AKT3: variants seen among roughly 807,000 people sequenced by gnomAD.
The protein encoded by AKT3 is AKT serine/threonine kinase 3.
Under a neutral mutation model 65.3 loss-of-function variants are expected in AKT3, and 15 were observed. The observed-to-expected ratio is 0.23, with a 90% CI of 0.15 to 0.35. AKT3 has a LOEUF of 0.35. Among genes scored for constraint, AKT3 ranks in the 10% least tolerant of loss-of-function variants. The pLI is 1.00. For synonymous variants in AKT3, 206 were observed against 183.8 expected (o/e 1.12, Z -0.98); for missense variants, 243 against 576.5 (o/e 0.42, Z 5.92).
intron 9 of AKT3, 120 bp downstream of exon 9, chr1:243,572,806 T>C (rs914231157): frequency 5.4e-6 from 6 of 1,102,682 alleles, no homozygotes; most frequent in African/African-American, 3.2e-5. Context: ...TTTTTAAACA[T>C]AGTGCTTTTT....
At chr1:243,591,061 G>A (rs1205748887) in intron 8 of AKT3, among the ~76,000 whole-genome samples, 1 of 152,094 alleles carries the variant, frequency 6.6e-6, no homozygotes, top group Non-Finnish European at 1.5e-5. Context: ...CAGAGACTGG[G>A]GAGACCAAGG....
At position 243,695,324 on chromosome 1, in the gene AKT3, C is replaced by A. The variant is rs550045522; in HGVS notation, c.172+267G>T. ...AAGGTCCTTGTTTTTATGTTATAAA[C>A]AAAAACTTGAAGTATGTATTTGGGG... On this transcript the variant is annotated intron_variant, in intron 3 of 13. Transcript: ENST00000673466. 1.1e-4 allele frequency among the ~76,000 whole-genome samples: 16 copies of A among 151,972 alleles called. No homozygotes were observed. In the South Asian group the frequency reaches 2.1e-3, roughly 20 times the overall value.
intron 8 of AKT3, among the ~76,000 whole-genome samples, chr1:243,600,432 G>C (rs1676924860): frequency 6.6e-6 from 1 of 152,148 alleles, no homozygotes; most frequent in African/African-American, 2.4e-5. Context: ...GTGTGGCATA[G>C]TGAAGACAGT....
At chr1:243,848,241 C>A (rs185968543) in intron 1 of AKT3, among the ~76,000 whole-genome samples, 84 of 152,292 alleles carry the variant, frequency 5.5e-4, no homozygotes, top group Admixed American at 5.4e-3. Flanking sequence ...TGTAAACTTT[C>A]AAGTACTATC....
chr1:243,772,142 G>A (rs1690225542), intron 2 of AKT3, among the ~76,000 whole-genome samples: 1 of 152,186 alleles, frequency 6.6e-6, no homozygotes, highest in African/African-American at 2.4e-5. Flanking sequence ...AAGACTTCAT[G>A]TCTAAAACAC....
intron 4 of AKT3, among the ~76,000 whole-genome samples, chr1:243,656,924 A>G (rs1681847280): frequency 6.6e-6 from 1 of 152,244 alleles, no homozygotes; most frequent in South Asian, 2.1e-4. Flanking sequence ...GGTGTATCCA[A>G]TAAATTAAGA....
rs112073739 is a variant in AKT3 at position 243,546,328 on chromosome 1, T to G, written c.1164-731A>C. On this transcript the variant is annotated intron_variant, in intron 11 of 13. Coordinates refer to ENST00000673466, the MANE Select transcript of AKT3 (RefSeq NM_005465.7). ...TAGCAGAATGAAAATGGACTAATAA[T>G]AGGTAAAGAAATTTCAGTGTTTTCT... 5.9e-5 allele frequency among the ~76,000 whole-genome samples: 9 copies of G among 152,166 alleles called. 1 individual carries two copies. The highest frequency in any genetic ancestry group is 2.2e-4 in the African/African-American group (9 of 41,506).
chr1:243,631,788 A>G (rs1416403916), intron 6 of AKT3, among the ~76,000 whole-genome samples: 1 of 152,224 alleles, frequency 6.6e-6, no homozygotes, highest in Non-Finnish European at 1.5e-5. Flanking sequence ...TTATTTCAGC[A>G]ATGTTCATGG....
At chr1:243,590,905 AG>A (rs1387525715) in intron 8 of AKT3, among the ~76,000 whole-genome samples, 1 of 152,198 alleles carries the variant, frequency 6.6e-6, no homozygotes, top group African/African-American at 2.4e-5. Flanking sequence ...ACAGTTGCCC[AG>A]GAGAAAAGGG....
downstream of AKT3, among the ~76,000 whole-genome samples, chr1:243,497,578 G>C (rs1436505129): frequency 2.6e-5 from 4 of 152,134 alleles, no homozygotes; most frequent in East Asian, 7.7e-4. Flanking sequence ...AGCTCCGATA[G>C]TGATAAATTG....
rs1015436907 is a variant in AKT3 at position 243,504,734 on chromosome 1, C to T, written c.*515G>A. 3.8e-5 allele frequency: 7 copies of T among 185,066 alleles called. No homozygotes were observed. The highest frequency in any genetic ancestry group is 7.0e-5 in the African/African-American group (3 of 42,588). The allele number at this position is 185,066 out of a possible 1,614,324, so 11.5% of individuals were successfully genotyped here. A position where few individuals can be genotyped will look rare whatever the true frequency, so the allele number is the denominator to read the frequency against. ...AGCTTAGTGATATATGCCTACTTCA[C>T]GCACGGATCTGATGTGCTTTACATA... On this transcript the variant is annotated 3_prime_UTR_variant, in exon 14 of 14. Coordinates refer to ENST00000673466, the MANE Select transcript of AKT3 (RefSeq NM_005465.7).
At chr1:243,563,690 T>G (rs369394478) in intron 10 of AKT3, 30 bp downstream of exon 10, 3 of 1,581,466 alleles carry the variant, frequency 1.9e-6, no homozygotes, top group Non-Finnish European at 2.6e-6. Context: ...ATGTCAATGT[T>G]ACTTTCCTAT....
At chr1:243,522,336 A>G (rs1670770224) in intron 12 of AKT3, among the ~76,000 whole-genome samples, 1 of 152,206 alleles carries the variant, frequency 6.6e-6, no homozygotes, top group African/African-American at 2.4e-5. Flanking sequence ...GCAATTTCCA[A>G]CTTACAAGCT....
At chr1:243,549,588 C>G (rs867796959) in intron 11 of AKT3, among the ~76,000 whole-genome samples, 9 of 152,010 alleles carry the variant, frequency 5.9e-5, no homozygotes, top group South Asian at 2.1e-4. Flanking sequence ...CCACCATACC[C>G]AGCATTTTAT....
At chr1:243,572,036 C>A (rs1180824991) in intron 9 of AKT3, among the ~76,000 whole-genome samples, 12 of 152,178 alleles carry the variant, frequency 7.9e-5, no homozygotes, top group African/African-American at 7.2e-5. Flanking sequence ...AATTCTGTGT[C>A]AAATTTTATA....
At chr1:243,596,335 G>C (rs943644339) in intron 8 of AKT3, among the ~76,000 whole-genome samples, 1 of 152,164 alleles carries the variant, frequency 6.6e-6, no homozygotes, top group Admixed American at 6.5e-5. Flanking sequence ...GAAACCATTT[G>C]TAATACAAAT....
At chr1:243,654,089 C>T (rs1681579517) in intron 4 of AKT3, among the ~76,000 whole-genome samples, 1 of 152,010 alleles carries the variant, frequency 6.6e-6, no homozygotes, top group Non-Finnish European at 1.5e-5. Flanking sequence ...AGAATAATTT[C>T]TAATTCCATT....
At chr1:243,579,155 T>C (rs1675156481) in intron 8 of AKT3, among the ~76,000 whole-genome samples, 1 of 152,104 alleles carries the variant, frequency 6.6e-6, no homozygotes, top group South Asian at 2.1e-4. Flanking sequence ...GATGCTGATA[T>C]AAAGGAAAAG....
chr1:243,692,713 G>A (rs574460774), intron 3 of AKT3, among the ~76,000 whole-genome samples: 6 of 152,138 alleles, frequency 3.9e-5, no homozygotes, highest in Admixed American at 1.3e-4. Context: ...ACTCCAGCCC[G>A]GGGGACAGAG....
Sources: allele counts gnomAD v4.1 joint callset (sites outside exome capture counted in the v4.1 genomes callset), GRCh38; gene constraint gnomAD v4.1.1; transcripts MANE v1.5; gene names NCBI Gene and HGNC (gene_info 2026-07-23, HGNC 2026-07-21).